The following RBFOX1 variants were observed in gnomAD, a reference collection of about 807,000 sequenced individuals.
RBFOX1 encodes the protein RNA binding protein fox-1 homolog 1.
RBFOX1 carries 8 observed loss-of-function variants against 57.7 expected under a neutral mutation model. The observed-to-expected ratio is 0.14, with a 90% CI of 0.08 to 0.25. RBFOX1 has a LOEUF of 0.25. Among genes scored for constraint, RBFOX1 ranks in the 10% least tolerant of loss-of-function variants. The probability of loss-of-function intolerance (pLI) is 1.00; values close to 1 mark genes in which losing one functional copy is unlikely to be tolerated. For missense variants in RBFOX1, 611 were observed against 548.5 expected (o/e 1.11, Z -1.14); for synonymous variants, 326 against 222.4 (o/e 1.47, Z -4.15).
intron 1 of RBFOX1, among the ~76,000 whole-genome samples, chr16:5,286,057 A>C (rs1163579800): frequency 1.3e-5 from 2 of 152,176 alleles, no homozygotes; most frequent in Non-Finnish European, 2.9e-5. Context: ...GGCATGAACC[A>C]CCACACCTGG....
intron 1 of RBFOX1, among the ~76,000 whole-genome samples, chr16:6,122,811 T>C (rs941182944): frequency 6.6e-6 from 1 of 151,680 alleles, no homozygotes; most frequent in Non-Finnish European, 1.5e-5. Context: ...TATGTGTGTG[T>C]GTGTGTGTGT....
At chr16:6,139,284 T>C (rs552004016) in intron 1 of RBFOX1, among the ~76,000 whole-genome samples, 1 of 152,242 alleles carries the variant, frequency 6.6e-6, no homozygotes, top group Non-Finnish European at 1.5e-5. Context: ...AGTGATACGA[T>C]CGTTTCAGGA....
chr16:6,002,909 C>G (rs1340325663), intron 4 of RBFOX1, among the ~76,000 whole-genome samples: 1 of 152,172 alleles, frequency 6.6e-6, no homozygotes, highest in East Asian at 1.9e-4. Context: ...TACTTCCATC[C>G]TGTTCTCTGC....
chr16:5,471,288 G>A (rs895846075), intron 2 of RBFOX1, among the ~76,000 whole-genome samples: 1 of 152,224 alleles, frequency 6.6e-6, no homozygotes, highest in Non-Finnish European at 1.5e-5. Flanking sequence ...TTGAAGAGAG[G>A]CTCAGGAACC....
chr16:5,736,837 C>T (rs537993207), intron 3 of RBFOX1, among the ~76,000 whole-genome samples: 1 of 151,124 alleles, frequency 6.6e-6, no homozygotes, highest in South Asian at 2.1e-4. Flanking sequence ...CCTCTTTTCT[C>T]TTTGTCCCTC....
chr16:7,655,567 A>AGAAAT (rs1487209832), intron 12 of RBFOX1, among the ~76,000 whole-genome samples: 33 of 152,266 alleles, frequency 2.2e-4, no homozygotes, highest in Admixed American at 1.6e-3. Context: ...TTATGGATCC[A>AGAAAT]GAAATGTAAA....
chr16:7,149,595 C>G (rs1358670985), intron 4 of RBFOX1, among the ~76,000 whole-genome samples: 3 of 151,250 alleles, frequency 2.0e-5, no homozygotes, highest in Non-Finnish European at 4.4e-5. Flanking sequence ...AAAAGATCCT[C>G]TCACCCCAGC....
chr16:6,415,040 C>T (rs915697178), intron 2 of RBFOX1, among the ~76,000 whole-genome samples: 3 of 151,764 alleles, frequency 2.0e-5, no homozygotes, highest in African/African-American at 7.3e-5. Flanking sequence ...GTCAGGAGTT[C>T]GAGACCAGCC....
intron 2 of RBFOX1, among the ~76,000 whole-genome samples, chr16:6,342,964 T>C (rs1567976465): frequency 1.3e-5 from 2 of 152,206 alleles, no homozygotes; most frequent in African/African-American, 4.8e-5. Context: ...TTATATTTTT[T>C]CTGAAGTTTG....
At chr16:6,975,047 A>C (rs370006383) in intron 3 of RBFOX1, among the ~76,000 whole-genome samples, 1 of 152,058 alleles carries the variant, frequency 6.6e-6, no homozygotes, top group Non-Finnish European at 1.5e-5. Context: ...TTTTGATCCA[A>C]TTGTTTAAAA....
intron 3 of RBFOX1, among the ~76,000 whole-genome samples, chr16:5,672,240 G>T (rs1000014673): frequency 6.6e-6 from 1 of 152,072 alleles, no homozygotes; most frequent in Non-Finnish European, 1.5e-5. Context: ...TGGCCCTTTG[G>T]AACTGTCTGG....
At chr16:7,573,515 A>G (rs558305386) in intron 5 of RBFOX1, among the ~76,000 whole-genome samples, 1 of 152,254 alleles carries the variant, frequency 6.6e-6, no homozygotes, top group East Asian at 1.9e-4. Context: ...ATGTCCATTC[A>G]GGTAGGTCTC....
chr16:5,957,232 T>G lies in RBFOX1; in HGVS notation c.351+89897T>G, dbSNP rs2059661137. ...TTTTTTCTTTTTCTTTTTCTTTTTT[T>G]GAGACAGAGTCTTGGTCTGTTGCCC... On this transcript the variant is annotated intron_variant, in intron 4 of 19. Transcript: ENST00000641259. 2.0e-5 allele frequency among the ~76,000 whole-genome samples: 3 copies of G among 152,158 alleles called. No individual in the cohort carries two copies. In the South Asian group the frequency reaches 6.2e-4, roughly 31 times the overall value.
chr16:7,033,675 G>A (rs1003256232), intron 3 of RBFOX1, among the ~76,000 whole-genome samples: 2 of 152,120 alleles, frequency 1.3e-5, no homozygotes, highest in Non-Finnish European at 2.9e-5. Context: ...GGCTGGGATG[G>A]GGCTTGGTTC....
At chr16:6,088,960 G>C (rs1429762557) in intron 1 of RBFOX1, among the ~76,000 whole-genome samples, 1 of 151,848 alleles carries the variant, frequency 6.6e-6, no homozygotes, top group African/African-American at 2.4e-5. Flanking sequence ...GCTGGGTGTG[G>C]TGGCGCATGC....
intron 4 of RBFOX1, among the ~76,000 whole-genome samples, chr16:7,401,174 G>C (rs1002600373): frequency 2.0e-5 from 3 of 152,170 alleles, no homozygotes; most frequent in African/African-American, 7.2e-5. Flanking sequence ...TTTAAAAAAT[G>C]TATCTTCATT....
At chr16:5,264,004 G>T (rs1271506350) in intron 1 of RBFOX1, among the ~76,000 whole-genome samples, 1 of 152,188 alleles carries the variant, frequency 6.6e-6, no homozygotes, top group African/African-American at 2.4e-5. Flanking sequence ...GGGGTATGGA[G>T]ATTTTCCAGG....
At chr16:7,547,007 C>G (rs963451295) in intron 5 of RBFOX1, among the ~76,000 whole-genome samples, 3 of 151,842 alleles carry the variant, frequency 2.0e-5, no homozygotes, top group African/African-American at 7.3e-5. Flanking sequence ...AAGATCATAC[C>G]AATTTAAACT....
chr16:6,776,080 TAAAG>T (rs1285436283), intron 3 of RBFOX1: 2 of 151,920 alleles, frequency 1.3e-5, no homozygotes, highest in East Asian at 1.9e-4. Flanking sequence ...ACTGAGGAAA[TAAAG>T]AAAGGGAGAG....
Sources: allele counts gnomAD v4.1 joint callset (sites outside exome capture counted in the v4.1 genomes callset), GRCh38; gene constraint gnomAD v4.1.1; transcripts MANE v1.5; gene names NCBI Gene and HGNC (gene_info 2026-07-23, HGNC 2026-07-21).